TGFB2: variants seen among roughly 807,000 people sequenced by gnomAD.
TGFB2 encodes the protein transforming growth factor beta-2 proprotein.
TGFB2 carries 13 observed loss-of-function variants against 42.7 expected under a neutral mutation model. The observed-to-expected ratio is 0.30, with a 90% confidence interval of 0.20 to 0.48. The LOEUF is 0.48. Ranked by LOEUF, TGFB2 falls within the 20% of genes least tolerant of loss-of-function variation. The pLI is 0.99. For synonymous variants in TGFB2, 193 were observed against 193.6 expected (o/e 1.00, Z 0.03); for missense variants, 390 against 517.5 (o/e 0.75, Z 2.39).
At chr1:218,401,715 G>T (rs1243087978) in intron 1 of TGFB2, among the ~76,000 whole-genome samples, 1 of 152,150 alleles carries the variant, frequency 6.6e-6, no homozygotes, top group African/African-American at 2.4e-5. Flanking sequence ...ATGAGTTCTT[G>T]GAGGAAGCAG....
chr1:218,382,772 A>G (rs1006038554), intron 1 of TGFB2, among the ~76,000 whole-genome samples: 1 of 152,212 alleles, frequency 6.6e-6, no homozygotes, highest in Non-Finnish European at 1.5e-5. Context: ...TGGGTAAAAA[A>G]GTCAGGACTA....
intron 2 of TGFB2, among the ~76,000 whole-genome samples, chr1:218,406,821 G>A (rs1169007076): frequency 6.6e-6 from 1 of 152,120 alleles, no homozygotes; most frequent in African/African-American, 2.4e-5. Context: ...ATAGTGTGTA[G>A]AGTGACACTA....
At chr1:218,412,582 G>A (rs1659136332) in intron 2 of TGFB2, among the ~76,000 whole-genome samples, 2 of 152,172 alleles carry the variant, frequency 1.3e-5, no homozygotes, top group African/African-American at 2.4e-5. Flanking sequence ...GCATGGCATA[G>A]TATGCAATGG....
intron 1 of TGFB2, among the ~76,000 whole-genome samples, chr1:218,399,998 AAGAAACAGGCTCAGAAAAGCCAG>A (rs1658660390): frequency 6.6e-6 from 1 of 152,172 alleles, no homozygotes; most frequent in South Asian, 2.1e-4. Context: ...TATATAGATG[AAGAAACAGGCTCAGAAAAGCCAG>A]ATAATATCCC....
chr1:218,397,583 G>A (rs7538723), intron 1 of TGFB2, among the ~76,000 whole-genome samples: 3,765 of 138,748 alleles, frequency 0.027, 174 homozygotes, highest in African/African-American at 0.099. Flanking sequence ...AAAAAAAAAA[G>A]TTTAGGTGCT....
chr1:218,374,984 C>T (rs1558233493), intron 1 of TGFB2, among the ~76,000 whole-genome samples: 1 of 152,100 alleles, frequency 6.6e-6, no homozygotes. Context: ...ACTCTCTGGG[C>T]AGTGTAGGAG....
Position 218,346,402 on chromosome 1 carries a change from T to A in TGFB2, c.-300T>A, listed in dbSNP as rs1463922741. ...TACTTAATAGCCACTCGTCTCTTTT[T>A]TTCCCCATCTCATTGCTCCAAGAAT... On this transcript the variant is annotated 5_prime_UTR_variant, in exon 1 of 7. Transcript: ENST00000366930. This position sits in a 1 kb window ranked among gnomAD's most constrained non-coding sequence, Gnocchi z 4.9. 3.2e-6 allele frequency: 1 copy of A among 312,526 alleles called. No individual in the cohort carries two copies. The highest frequency in any genetic ancestry group is 5.8e-6 in the Non-Finnish European group (1 of 173,684). The allele number at this position is 312,526 out of a possible 1,614,324, so 19.4% of individuals were successfully genotyped here. A position where few individuals can be genotyped will look rare whatever the true frequency, so the allele number is the denominator to read the frequency against.
chr1:218,396,101 G>A (rs558266494), intron 1 of TGFB2, among the ~76,000 whole-genome samples: 15 of 152,248 alleles, frequency 9.9e-5, no homozygotes, highest in African/African-American at 3.1e-4. Flanking sequence ...AGTTCATGAC[G>A]CTGAGTAACC....
In TGFB2 at chr1:218,401,049, G is replaced by T. The variant is rs1295045472; in HGVS notation, c.347-4120G>T. ...TAAAATGATTGAGAATTTCAAGATG[G>T]TGACTAGAGAGGCCACAGAGCACTA... is the stretch of plus-strand genomic sequence containing the variant. On this transcript the variant is annotated intron_variant, in intron 1 of 6. Coordinates refer to ENST00000366930, the MANE Select transcript of TGFB2 (RefSeq NM_003238.6). Among the ~76,000 whole-genome samples the T allele has an allele frequency of 2.6e-5, 4 of 152,190 alleles. 1 individual carries two copies. Among genetic ancestry groups the T allele is most frequent in the Non-Finnish European group, 5.9e-5 (4 of 68,040 alleles).
intron 1 of TGFB2, among the ~76,000 whole-genome samples, chr1:218,360,050 A>G (rs967497167): frequency 3.9e-5 from 6 of 152,182 alleles, no homozygotes; most frequent in African/African-American, 1.4e-4. Context: ...AACCTGTACC[A>G]GGGTTCTCAA....
chr1:218,401,654 G>GGATGC (rs1309574996), intron 1 of TGFB2, among the ~76,000 whole-genome samples: 1 of 152,234 alleles, frequency 6.6e-6, no homozygotes, highest in African/African-American at 2.4e-5. Context: ...ATAGGAACTG[G>GGATGC]GATGCGCATT....
Position 218,436,013 on chromosome 1 carries a change from T to G in TGFB2, c.798T>G (p.Thr266=), listed in dbSNP as rs376354795. 6.2e-7 allele frequency: 1 copy of G among 1,613,818 alleles called. No homozygotes were observed. The highest frequency in any genetic ancestry group is 1.3e-5 in the African/African-American group (1 of 74,886). The change falls in exon 5 of 7, where the codon ACT becomes ACG. Residue 266 remains threonine (T), a synonymous_variant. Coordinates refer to ENST00000366930, the MANE Select transcript of TGFB2 (RefSeq NM_003238.6). The part of the protein sequence containing the change: ...TSTYTSGDQK[T]IKSTRKKNSG... ...CATATACCAGTGGTGATCAGAAAAC[T>G]ATAAAGTCCACTAGGAAAAAAAACA...
intron 2 of TGFB2, among the ~76,000 whole-genome samples, chr1:218,428,721 C>G (rs1462294002): frequency 2.0e-5 from 3 of 152,060 alleles, no homozygotes; most frequent in African/African-American, 7.2e-5. Flanking sequence ...CAGCACCATG[C>G]TTTTTTGGTT....
intron 2 of TGFB2, among the ~76,000 whole-genome samples, chr1:218,427,490 C>G (rs1007232648): frequency 6.6e-6 from 1 of 152,232 alleles, no homozygotes; most frequent in Admixed American, 6.5e-5. Context: ...CCCTCTCCCC[C>G]CACCTCAGGA....
At chr1:218,432,742 G>A (rs1659846466) in intron 2 of TGFB2, among the ~76,000 whole-genome samples, 1 of 152,160 alleles carries the variant, frequency 6.6e-6, no homozygotes, top group Non-Finnish European at 1.5e-5. Context: ...CCCTGACCTG[G>A]GAAGTTTTAT....
intron 1 of TGFB2, among the ~76,000 whole-genome samples, chr1:218,354,011 G>A (rs1401782493): frequency 1.3e-5 from 2 of 152,140 alleles, no homozygotes; most frequent in African/African-American, 4.8e-5. Context: ...TTACTATACT[G>A]ATGGTTATCT....
At chr1:218,427,094 A>G (rs1659648657) in intron 2 of TGFB2, among the ~76,000 whole-genome samples, 1 of 152,208 alleles carries the variant, frequency 6.6e-6, no homozygotes, top group African/African-American at 2.4e-5. Flanking sequence ...AATTAGAAAA[A>G]AAATTATTGT....
At chr1:218,380,940 A>G (rs1334049312) in intron 1 of TGFB2, among the ~76,000 whole-genome samples, 3 of 152,180 alleles carry the variant, frequency 2.0e-5, no homozygotes, top group Non-Finnish European at 4.4e-5. Context: ...TTTCAATTCT[A>G]TGAGATAGAT....
rs1252906196 is a variant in TGFB2 at position 218,441,402 on chromosome 1, A to G, written c.*40A>G. On this transcript the variant is annotated 3_prime_UTR_variant, in exon 7 of 7. Transcript: ENST00000366930. ...TGGCAAGACCAAAATGACAATGATG[A>G]TGATAATGATGATGACGACGACAAC... The G allele has an allele frequency of 4.5e-6, 7 of 1,565,452 alleles. No homozygotes were observed. The highest frequency in any genetic ancestry group is 4.1e-5 in the African/African-American group (3 of 72,812).
Sources: allele counts gnomAD v4.1 joint callset (sites outside exome capture counted in the v4.1 genomes callset), GRCh38; gene constraint gnomAD v4.1.1; non-coding constraint Gnocchi (gnomAD v3.1); transcripts MANE v1.5; gene names NCBI Gene and HGNC (gene_info 2026-07-23, HGNC 2026-07-21).